Variants in UST observed in about 807,000 individuals in gnomAD.
The protein encoded by UST is chondroitin sulfate 2-O-sulfotransferase.
UST carries 21 observed loss-of-function variants against 45.6 expected under a neutral mutation model. The ratio of observed to expected loss-of-function variants is 0.46; its 90% confidence interval spans 0.33 to 0.66. The LOEUF (loss-of-function observed/expected upper bound fraction) is 0.66. UST is among the 30% of genes least tolerant of loss of function. The pLI, the probability that UST is intolerant of heterozygous loss-of-function variation, is 0.02. For missense variants in UST, 463 were observed against 512.4 expected, an observed-to-expected ratio of 0.90 and a Z score of 0.93; for synonymous variants, 215 against 200.6, an observed-to-expected ratio of 1.07 and a Z score of -0.61.
At chr6:149,043,025 C>CTTTCTT (rs1562337818) in intron 7 of UST, among the ~76,000 whole-genome samples, 32 of 101,338 alleles carry the variant, frequency 3.2e-4, no homozygotes, top group African/African-American at 1.5e-3. Flanking sequence ...CTTTCTTTTT[C>CTTTCTT]TTTCTTTCTT....
chr6:149,019,604 C>T (rs543933768), intron 6 of UST, among the ~76,000 whole-genome samples: 1 of 152,306 alleles, frequency 6.6e-6, no homozygotes, highest in East Asian at 1.9e-4. Context: ...GGAGCGAACA[C>T]CCAGCCTGCT....
intron 7 of UST, among the ~76,000 whole-genome samples, chr6:149,028,613 C>T (rs1331168351): frequency 6.6e-6 from 1 of 152,164 alleles, no homozygotes; most frequent in Non-Finnish European, 1.5e-5. Flanking sequence ...CAGAGAGGAA[C>T]GAACAATTAT....
At chr6:148,979,689 T>G (rs1049955387) in intron 5 of UST, among the ~76,000 whole-genome samples, 23 of 152,220 alleles carry the variant, frequency 1.5e-4, no homozygotes, top group African/African-American at 4.3e-4. Flanking sequence ...AGTTTTGGCC[T>G]TGAGAACTTC....
chr6:148,797,784 C>G (rs907948377), intron 1 of UST, among the ~76,000 whole-genome samples: 24 of 152,074 alleles, frequency 1.6e-4, no homozygotes, highest in Admixed American at 1.6e-3. Flanking sequence ...ACAAGAAGAA[C>G]AATATGTGAG....
intron 5 of UST, among the ~76,000 whole-genome samples, chr6:148,991,070 G>A (rs560545103): frequency 6.6e-6 from 1 of 152,300 alleles, no homozygotes. Context: ...ATATCAGGTG[G>A]TGACCGAAAG....
At chr6:149,002,265 G>A (rs1364260252) in intron 5 of UST, among the ~76,000 whole-genome samples, 2 of 151,610 alleles carry the variant, frequency 1.3e-5, no homozygotes, top group Non-Finnish European at 2.9e-5. Context: ...GACATGAAAA[G>A]AAAAAAGATG....
chr6:148,761,751 A>C (rs1228192938), intron 1 of UST, among the ~76,000 whole-genome samples: 1 of 152,118 alleles, frequency 6.6e-6, no homozygotes, highest in Non-Finnish European at 1.5e-5. Flanking sequence ...TAGCAGGTGG[A>C]GGGAGGAGTT....
In UST at chr6:148,844,972, T is replaced by C. The variant is rs540315663; in HGVS notation, c.248-42014T>C. ...ACATGGTTTCATTGTTGTTGTTTTT[T>C]TTAATGGCTGCATAGTATTCCATGG... On this transcript the variant is annotated intron_variant, in intron 1 of 7. Coordinates refer to ENST00000367463, the MANE Select transcript of UST (RefSeq NM_005715.3). Among the ~76,000 whole-genome samples, 15 of 152,342 alleles carry C rather than the reference T, an allele frequency of 9.8e-5. No homozygotes were observed. In the East Asian group the frequency reaches 2.5e-3, roughly 25 times the overall value.
chr6:148,788,354 T>TACAC (rs199530817), intron 1 of UST, among the ~76,000 whole-genome samples: 1 of 151,700 alleles, frequency 6.6e-6, no homozygotes, highest in East Asian at 1.9e-4. Flanking sequence ...TATATATATA[T>TACAC]ACACACACAC....
intron 2 of UST, among the ~76,000 whole-genome samples, chr6:148,908,204 A>G (rs1231557291): frequency 2.0e-5 from 3 of 152,192 alleles, no homozygotes; most frequent in Admixed American, 1.3e-4. Flanking sequence ...AGTCAAATCA[A>G]TTTTAAATCT....
At chr6:148,978,531 A>G (rs1233225139) in intron 5 of UST, among the ~76,000 whole-genome samples, 1 of 152,164 alleles carries the variant, frequency 6.6e-6, no homozygotes, top group Non-Finnish European at 1.5e-5. Flanking sequence ...AGGGACATGG[A>G]TGAAGCTGGA....
intron 7 of UST, 61 bp from the exon 8 acceptor site, chr6:149,073,772 C>T (rs868447924): frequency 6.4e-7 from 1 of 1,568,872 alleles, no homozygotes; most frequent in Non-Finnish European, 8.7e-7. Context: ...TGGGTCCTCG[C>T]CGGGATCCCT....
At chr6:148,846,302 A>G (rs1480357123) in intron 1 of UST, among the ~76,000 whole-genome samples, 9 of 152,008 alleles carry the variant, frequency 5.9e-5, no homozygotes, top group South Asian at 2.1e-4. Context: ...TTGTAGGGAC[A>G]TGGATGAAAT....
intron 5 of UST, among the ~76,000 whole-genome samples, chr6:148,970,539 A>G (rs749507733): frequency 5.9e-5 from 9 of 152,174 alleles, no homozygotes; most frequent in Non-Finnish European, 1.3e-4. Context: ...TTACCTCTGT[A>G]TCAGGAGCCA....
intron 7 of UST, among the ~76,000 whole-genome samples, chr6:149,023,814 G>A (rs1260632619): frequency 6.6e-6 from 1 of 152,112 alleles, no homozygotes; most frequent in Non-Finnish European, 1.5e-5. Flanking sequence ...TCTTGTCGTG[G>A]TATATCATAT....
intron 2 of UST, among the ~76,000 whole-genome samples, chr6:148,923,644 T>A (rs528280050): frequency 6.6e-6 from 1 of 152,316 alleles, no homozygotes; most frequent in African/African-American, 2.4e-5. Context: ...CGGTGGCTCA[T>A]GCCTGTAATC....
intron 5 of UST, among the ~76,000 whole-genome samples, chr6:148,994,012 C>G (rs1468007125): frequency 1.5e-5 from 2 of 135,604 alleles, no homozygotes; most frequent in Non-Finnish European, 3.0e-5. Flanking sequence ...CTCTGTCACC[C>G]AGGCTGGAAT....
chr6:148,820,099 G>T (rs1240792117), intron 1 of UST, among the ~76,000 whole-genome samples: 1 of 152,188 alleles, frequency 6.6e-6, no homozygotes, highest in Non-Finnish European at 1.5e-5. Flanking sequence ...CCTTTGTGTT[G>T]CAGAGCCTGG....
chr6:148,942,229 C>G (rs1250679293), intron 3 of UST, among the ~76,000 whole-genome samples: 1 of 152,068 alleles, frequency 6.6e-6, no homozygotes, highest in Non-Finnish European at 1.5e-5. Context: ...TGAGTGGTAC[C>G]TGCATGTTGG....
Sources: allele counts gnomAD v4.1 joint callset (sites outside exome capture counted in the v4.1 genomes callset), GRCh38; gene constraint gnomAD v4.1.1; transcripts MANE v1.5; gene names NCBI Gene and HGNC (gene_info 2026-07-23, HGNC 2026-07-21).